The following RPL10 variants were observed in gnomAD, a reference collection of about 807,000 sequenced individuals.
The protein encoded by RPL10 is ribosomal protein L10.
Under a neutral mutation model 15.7 loss-of-function variants are expected in RPL10, and 1 was observed. The observed-to-expected ratio is 0.06, with a 90% CI of 0.02 to 0.30. The LOEUF (loss-of-function observed/expected upper bound fraction) is 0.30. Ranked by LOEUF, RPL10 falls within the 10% of genes least tolerant of loss-of-function variation. RPL10 has a pLI of 1.00. For synonymous variants in RPL10, 59 were observed against 64.0 expected (o/e 0.92, Z 0.37); for missense variants, 54 against 183.4 (o/e 0.29, Z 4.08).
intron 2 of RPL10, 79 bp from the exon 3 acceptor site, chrX:154,399,259 G>C (rs782024532): frequency 4.3e-4 from 440 of 1,014,708 alleles, no homozygotes; most frequent in Admixed American, 1.0e-3. Context: ...CCCTCGTTTG[G>C]GTTGTTCCTT....
chrX:154,398,259 C>T (rs893909392), upstream of RPL10: 4 of 510,575 alleles, frequency 7.8e-6, no homozygotes, highest in African/African-American at 4.5e-5. Flanking sequence ...GCGCCAAGAG[C>T]GGCTGCGTCT....
intron 2 of RPL10, 91 bp downstream of exon 2, chrX:154,398,633 TC>T: frequency 9.1e-7 from 1 of 1,096,888 alleles, no homozygotes; most frequent in Non-Finnish European, 1.3e-6. Flanking sequence ...GGGTGGAGCC[TC>T]CCCCGTGCGG....
chrX:154,399,963 T>C, intron 5 of RPL10, 22 bp downstream of exon 5: 1 of 1,210,210 alleles, frequency 8.3e-7, no homozygotes, highest in East Asian at 3.0e-5. Flanking sequence ...CTGGGCCTTT[T>C]AAGGCAGTTG....
chrX:154,402,269 C>A lies in RPL10; in HGVS notation c.*1415C>A. The A allele has an allele frequency of 7.3e-6, 1 of 136,319 alleles. No individual in the cohort carries two copies. The highest frequency in any genetic ancestry group is 1.5e-5 in the Non-Finnish European group (1 of 67,592). 11.2% of individuals were successfully genotyped at this position (136,319 alleles called of 1,213,427 possible). On this transcript the variant is annotated 3_prime_UTR_variant, in exon 7 of 7. Transcript: ENST00000369817. ...AGCAGATTAACCACCCTCCTTGTAG[C>A]TATTGGGGCTTAATGGTTTCCTGGT...
Position 154,402,148 on chromosome X carries a change from C to T in RPL10, c.*1294C>T, listed in dbSNP as rs1169513228. On this transcript the variant is annotated 3_prime_UTR_variant, in exon 7 of 7. Coordinates refer to ENST00000369817, the MANE Select transcript of RPL10 (RefSeq NM_006013.5). ...CCCAGGAGGTGCGAGTGTGGCTGCT[C>T]AGCGGTTATAACAGGCCTGACTGCA... The T allele has an allele frequency of 8.6e-6, 1 of 116,691 alleles. No homozygotes were observed. The highest frequency in any genetic ancestry group is 1.8e-5 in the Non-Finnish European group (1 of 55,894). The allele number at this position is 116,691 out of a possible 1,213,427, so 9.6% of individuals were successfully genotyped here.
chrX:154,400,113 A>G, intron 5 of RPL10, 172 bp downstream of exon 5: 1 of 597,225 alleles, frequency 1.7e-6, no homozygotes, highest in South Asian at 2.5e-5. Flanking sequence ...TGCAGATACA[A>G]ACAAAGCATG....
In RPL10 at chrX:154,398,733, G is replaced by T. The variant is rs1215396302; in HGVS notation, c.23+191G>T. 7.7e-6 allele frequency: 4 copies of T among 520,200 alleles called. No individual in the cohort carries two copies. The African/African-American group carries it at 9.5e-5, about 12-fold the overall frequency. The allele number at this position is 520,200 out of a possible 1,213,427, so 42.9% of individuals were successfully genotyped here. ...TTACTGTCTGTTCCTTCGTTCCCGT[G>T]TCGGTGTGGAAGCGACGGTTCCCTC... On this transcript the variant is annotated intron_variant, in intron 2 of 6. Transcript: ENST00000369817.
Position 154,400,619 on chromosome X carries a change from G to A in RPL10, c.485G>A (p.Arg162His). The A allele has an allele frequency of 8.3e-7, 1 of 1,211,147 alleles. No individual in the cohort carries two copies. Among genetic ancestry groups the A allele is most frequent in the Non-Finnish European group, 1.1e-6 (1 of 895,291 alleles). The part of the protein sequence containing the change: ...LRRAKFKFPG[R>H]QKIHISKKWG... ...AGGGCCAAGTTCAAGTTTCCTGGCC[G>A]CCAGAAGGTATGTAGTGCTGCAGCC... Residue 162 changes from arginine to histidine, a missense_variant, in exon 6 of 7, where the codon CGC (arginine) becomes CAC (histidine). Around this residue, in one of 3 missense-constraint regions of RPL10, gnomAD observed 32 missense variants for 76.0 expected, o/e 0.42. Transcript: ENST00000369817.
At position 154,401,147 on chromosome X, in the gene RPL10, A is replaced by G; in HGVS notation, c.*293A>G. 2.0e-6 allele frequency: 1 copy of G among 493,206 alleles called. No individual in the cohort carries two copies. The highest frequency in any genetic ancestry group is 3.1e-6 in the Non-Finnish European group (1 of 322,515). The allele number at this position is 493,206 out of a possible 1,213,427, so 40.6% of individuals were successfully genotyped here. The stretch of plus-strand genomic sequence containing the variant: ...AAAAACACTGAAGTGCTTTTCATGA[A>G]GCACAGCTGCAGCAAAGCCTTGCAA... On this transcript the variant is annotated 3_prime_UTR_variant, in exon 7 of 7. Transcript: ENST00000369817.
chrX:154,399,848 G>C lies in RPL10; in HGVS notation c.236G>C (p.Ser79Thr), dbSNP rs782088842. Reference sequence around the variant, plus strand: ...TGTGCCAATAAGTACATGGTAAAAAGTTGTGGCAAAGATGGCTTCCATATC... The same window carrying C: ...TGTGCCAATAAGTACATGGTAAAAACTTGTGGCAAAGATGGCTTCCATATC... Reference protein sequence around the residue: ...RICANKYMVKSCGKDGFHIRV... With the variant: ...RICANKYMVKTCGKDGFHIRV... The change falls in exon 5 of 7, where the codon AGT becomes ACT. Residue 79 changes from serine to threonine, a missense_variant. Around this residue, in one of 3 missense-constraint regions of RPL10, gnomAD observed 22 missense variants for 73.0 expected, o/e 0.30. Coordinates refer to ENST00000369817, the MANE Select transcript of RPL10 (RefSeq NM_006013.5). 2.5e-6 allele frequency: 3 copies of C among 1,210,574 alleles called. No individual in the cohort carries two copies. The highest frequency in any genetic ancestry group is 4.4e-5 in the Admixed American group (2 of 45,868).
At chrX:154,398,669 T>A in intron 2 of RPL10, 127 bp downstream of exon 2, 1 of 807,547 alleles carries the variant, frequency 1.2e-6, no homozygotes, top group Non-Finnish European at 1.9e-6. Flanking sequence ...GAACTGACCC[T>A]ATGTTTTACA....
Position 154,398,390 on chromosome X carries a change from G to A in RPL10, c.-28G>A, listed in dbSNP as rs782036075. 3 of 831,917 alleles carry A rather than the reference G, an allele frequency of 3.6e-6. No individual in the cohort carries two copies. Among genetic ancestry groups the A allele is most frequent in the Admixed American group, 2.2e-5 (1 of 45,623 alleles). 68.6% of individuals were successfully genotyped at this position (831,917 alleles called of 1,213,427 possible). ...GCGGAGGAGCGCCTCTTTCCCTTCG[G>A]TGTGGTGAGTAAGCGCAGTTGTCGT... On this transcript the variant is annotated 5_prime_UTR_variant, in exon 1 of 7. It adds an upstream start codon to the 5' untranslated region. Transcript: ENST00000369817.
chrX:154,402,040 TTC>T lies in RPL10; in HGVS notation c.*1188_*1189del, dbSNP rs1246545515. ...TTAGCTTACATAACTGGTGCAGATT[TTC>T]TGTGTGGAGATGTTGCCTTGACCAG... On this transcript the variant is annotated 3_prime_UTR_variant, in exon 7 of 7. Coordinates refer to ENST00000369817, the MANE Select transcript of RPL10 (RefSeq NM_006013.5). The T allele has an allele frequency of 8.9e-6, 1 of 112,171 alleles. No homozygotes were observed. The highest frequency in any genetic ancestry group is 1.9e-5 in the Non-Finnish European group (1 of 53,230). 9.2% of individuals were successfully genotyped at this position (112,171 alleles called of 1,213,427 possible).
intron 3 of RPL10, 21 bp downstream of exon 3, chrX:154,399,417 T>C: frequency 1.7e-6 from 2 of 1,209,655 alleles, no homozygotes; most frequent in Non-Finnish European, 2.2e-6. Context: ...GAAGAGCCCC[T>C]GCACTGGTTG....
In RPL10 at chrX:154,401,119, T is replaced by C. The variant is rs2068022521; in HGVS notation, c.*265T>C. The stretch of plus-strand genomic sequence containing the variant: ...ACCTCCCCAGGTCCTAGGCAGTAGG[T>C]TGAAAAACACTGAAGTGCTTTTCAT... On this transcript the variant is annotated 3_prime_UTR_variant, in exon 7 of 7. Transcript: ENST00000369817. The C allele has an allele frequency of 2.9e-6, 2 of 685,787 alleles. No homozygotes were observed. Among genetic ancestry groups the C allele is most frequent in the South Asian group, 2.9e-5 (1 of 34,909 alleles). The allele number at this position is 685,787 out of a possible 1,213,427, so 56.5% of individuals were successfully genotyped here.
intron 5 of RPL10, 168 bp downstream of exon 5, chrX:154,400,109 TACAA>T (rs1282056918): frequency 5.6e-5 from 34 of 606,157 alleles, no homozygotes; most frequent in African/African-American, 4.2e-4. Context: ...TTCCTGCAGA[TACAA>T]ACAAAGCATG....
intron 5 of RPL10, 103 bp downstream of exon 5, chrX:154,400,044 T>A: frequency 1.9e-6 from 2 of 1,040,709 alleles, no homozygotes; most frequent in Non-Finnish European, 2.7e-6. Context: ...TCAGCCACTA[T>A]GGCTACTAGA....
At chrX:154,399,219 G>T in intron 2 of RPL10, 119 bp from the exon 3 acceptor site, 1 of 706,175 alleles carries the variant, frequency 1.4e-6, no homozygotes, top group Non-Finnish European at 2.3e-6. Flanking sequence ...CGGTTTAGAA[G>T]TGGACGTGCA....
At chrX:154,399,041 C>T (rs956350384) in intron 2 of RPL10, 1 of 416,669 alleles carries the variant, frequency 2.4e-6, no homozygotes, top group East Asian at 4.3e-5. Context: ...TTTTGTAGTA[C>T]GCAGTGTCTT....
Sources: gnomAD v4.1 joint callset for allele counts on GRCh38, gnomAD v4.1.1 for gene constraint, gnomAD v4.1.1 regional missense constraint, MANE v1.5 for transcripts, NCBI Gene and HGNC (gene_info 2026-07-23, HGNC 2026-07-21) for gene names.